NXPE4: variants seen among roughly 807,000 people sequenced by gnomAD.
NXPE4 encodes neurexophilin and PC-esterase domain family member 4.
Under a neutral mutation model 33.3 loss-of-function variants are expected in NXPE4, and 42 were observed. That is an observed-to-expected ratio of 1.26 (90% confidence interval 0.98 to 1.63). NXPE4 has a LOEUF of 1.63. NXPE4 is among the 40% of genes most tolerant of loss of function. The probability of loss-of-function intolerance (pLI) is 0.00; values close to 1 mark genes in which losing one functional copy is unlikely to be tolerated. For synonymous variants in NXPE4, 253 were observed against 234.9 expected, an observed-to-expected ratio of 1.08 and a Z score of -0.71; for missense variants, 709 against 647.6, an observed-to-expected ratio of 1.09 and a Z score of -1.03.
At chr11:114,634,603 C>A in the NXPE4 span, among the ~76,000 whole-genome samples, 27 of 151,984 alleles carry the variant, frequency 1.8e-4, no homozygotes, top group Non-Finnish European at 3.4e-4. Context: ...TTAGGTCTAA[C>A]ATTTAAGTCT....
chr11:114,571,142 G>C lies in NXPE4; in HGVS notation c.1431C>G (p.Ile477Met). ...TTTCTGCATCATTGTACATCTCCCT[G>C]ATGTTTTCTGTTTTGATGATAACCA... The part of the protein sequence containing the change: ...DTMVIIKTEN[I>M]REMYNDAERF... The change falls in exon 6 of 6, where the codon ATC (isoleucine) becomes ATG (methionine). Residue 477 changes from isoleucine to methionine, a missense_variant. Coordinates refer to ENST00000375478, the MANE Select transcript of NXPE4 (RefSeq NM_001077639.2). The C allele has an allele frequency of 1.2e-6, 2 of 1,613,858 alleles. No homozygotes were observed. The highest frequency in any genetic ancestry group is 1.7e-6 in the Non-Finnish European group (2 of 1,179,866).
chr11:114,603,686 T>C, the NXPE4 span, among the ~76,000 whole-genome samples: 1 of 151,622 alleles, frequency 6.6e-6, no homozygotes, highest in African/African-American at 2.4e-5. Context: ...TAACTCCTAT[T>C]ACCTGGGGGA....
At chr11:114,673,234 T>C in the NXPE4 span, among the ~76,000 whole-genome samples, 2 of 151,262 alleles carry the variant, frequency 1.3e-5, no homozygotes, top group Non-Finnish European at 3.0e-5. Context: ...AATCAAGGTG[T>C]CAAAGAAGAA....
At chr11:114,651,957 A>G in the NXPE4 span, among the ~76,000 whole-genome samples, 4 of 152,224 alleles carry the variant, frequency 2.6e-5, no homozygotes, top group African/African-American at 9.6e-5. Context: ...GGGTGCTGTT[A>G]GGTTCACAGT....
the NXPE4 span, among the ~76,000 whole-genome samples, chr11:114,666,890 T>A: frequency 6.6e-6 from 1 of 152,156 alleles, no homozygotes; most frequent in African/African-American, 2.4e-5. Flanking sequence ...TCATTCACAA[T>A]ACCCACACTT....
At chr11:114,649,548 A>C in the NXPE4 span, among the ~76,000 whole-genome samples, 2 of 152,230 alleles carry the variant, frequency 1.3e-5, no homozygotes, top group African/African-American at 4.8e-5. Context: ...ATAGAGACAG[A>C]AAGCCCATCA....
At position 114,583,118 on chromosome 11, in the gene NXPE4, C is replaced by T; in HGVS notation, c.97-97G>A. 3.9e-6 allele frequency: 5 copies of T among 1,296,446 alleles called. No homozygotes were observed. In the South Asian group the frequency reaches 7.3e-5, roughly 19 times the overall value. 80.3% of individuals were successfully genotyped at this position (1,296,446 alleles called of 1,614,324 possible). A position where few individuals can be genotyped will look rare whatever the true frequency, so the allele number is the denominator to read the frequency against. On this transcript the variant is annotated intron_variant, in intron 2 of 5. Coordinates refer to ENST00000375478, the MANE Select transcript of NXPE4 (RefSeq NM_001077639.2). Reference sequence around the variant, plus strand: ...TAACATGCTATGAAATTAACATGTTCCTAGTCATTTTTACTTATTGTGATT... The same window carrying T: ...TAACATGCTATGAAATTAACATGTTTCTAGTCATTTTTACTTATTGTGATT...
the NXPE4 span, among the ~76,000 whole-genome samples, chr11:114,612,799 T>C: frequency 6.6e-6 from 1 of 151,924 alleles, no homozygotes; most frequent in African/African-American, 2.4e-5. Context: ...ATAATAAGTG[T>C]TGCCTCGTGG....
the NXPE4 span, among the ~76,000 whole-genome samples, chr11:114,670,355 C>A: frequency 9.9e-5 from 15 of 151,932 alleles, no homozygotes; most frequent in Non-Finnish European, 1.9e-4. Context: ...AGAGACTATG[C>A]ACTTCTGGAG....
rs1315027672 is a variant in NXPE4 at position 114,571,030 on chromosome 11, C to T, written c.1543G>A (p.Asp515Asn). 6.2e-7 allele frequency: 1 copy of T among 1,613,184 alleles called. No individual in the cohort carries two copies. Among genetic ancestry groups the T allele is most frequent in the Non-Finnish European group, 8.5e-7 (1 of 1,179,290 alleles). ...TTTGTGCCATATGCAATTGTTATAT[C>T]CCAGGCATCAATGATACTCACACTG... Reference protein sequence around the residue: ...DLSVSIIDAWDITIAYGTNNV... With the variant: ...DLSVSIIDAWNITIAYGTNNV... Residue 515 changes from aspartate (D) to asparagine (N), a missense_variant, in exon 6 of 6, where the codon GAT (aspartate) becomes AAT (asparagine). Physicochemically the swap from Asp to Asn is conservative, Grantham distance 23. Transcript: ENST00000375478.
At chr11:114,577,573 G>A (rs1042304845) in intron 5 of NXPE4, among the ~76,000 whole-genome samples, 1 of 152,070 alleles carries the variant, frequency 6.6e-6, no homozygotes, top group Admixed American at 6.6e-5. Context: ...AATTAAAAAA[G>A]TGTTATGTAA....
the NXPE4 span, among the ~76,000 whole-genome samples, chr11:114,649,160 C>T: frequency 2.0e-5 from 3 of 151,550 alleles, no homozygotes; most frequent in Non-Finnish European, 2.9e-5. Context: ...GTGGGGTGAC[C>T]CAAACCTTTA....
chr11:114,615,185 C>T, the NXPE4 span, among the ~76,000 whole-genome samples: 1 of 151,924 alleles, frequency 6.6e-6, no homozygotes, highest in Non-Finnish European at 1.5e-5. Context: ...AGTATTCCTT[C>T]GTTGGTAACC....
the NXPE4 span, among the ~76,000 whole-genome samples, chr11:114,637,017 T>C: frequency 6.6e-6 from 1 of 152,244 alleles, no homozygotes; most frequent in South Asian, 2.1e-4. Flanking sequence ...CTGGGTATCG[T>C]TGTTGACTTT....
At chr11:114,598,949 C>T (rs1446533193), upstream of NXPE4, among the ~76,000 whole-genome samples, 1 of 152,198 alleles carries the variant, frequency 6.6e-6, no homozygotes, top group African/African-American at 2.4e-5. Flanking sequence ...ATTTCTGCAG[C>T]CTTCCTGAAT....
At chr11:114,607,843 T>C in the NXPE4 span, among the ~76,000 whole-genome samples, 10 of 151,840 alleles carry the variant, frequency 6.6e-5, no homozygotes, top group Admixed American at 4.6e-4. Flanking sequence ...ATAATAAGTA[T>C]TGCCTTGCAG....
At chr11:114,578,329 C>T (rs1949061594) in intron 5 of NXPE4, among the ~76,000 whole-genome samples, 1 of 152,132 alleles carries the variant, frequency 6.6e-6, no homozygotes, top group Admixed American at 6.6e-5. Context: ...ACACAATGTA[C>T]AACAGTTGTT....
the NXPE4 span, among the ~76,000 whole-genome samples, chr11:114,660,411 C>T: frequency 6.6e-6 from 1 of 151,874 alleles, no homozygotes; most frequent in Non-Finnish European, 1.5e-5. Context: ...GATAATATAT[C>T]CTGACAAAGT....
At chr11:114,627,253 T>TA in the NXPE4 span, among the ~76,000 whole-genome samples, 1 of 151,840 alleles carries the variant, frequency 6.6e-6, no homozygotes, top group Admixed American at 6.6e-5. Flanking sequence ...GAAAAAATGT[T>TA]AAAGGCAGCC....
Sources: allele counts gnomAD v4.1 joint callset (sites outside exome capture counted in the v4.1 genomes callset), GRCh38; gene constraint gnomAD v4.1.1; transcripts MANE v1.5; gene names NCBI Gene and HGNC (gene_info 2026-07-23, HGNC 2026-07-21).